The following NRDE2 variants were observed in gnomAD, a reference collection of about 807,000 sequenced individuals.
NRDE2 encodes nuclear exosome regulator NRDE2.
Under a neutral mutation model 124.2 loss-of-function variants are expected in NRDE2, and 76 were observed. The observed-to-expected ratio is 0.61, with a 90% CI of 0.51 to 0.74. NRDE2 has a LOEUF of 0.74. Ranked by LOEUF, NRDE2 falls within the 30% of genes least tolerant of loss-of-function variation. The pLI, the probability that NRDE2 is intolerant of heterozygous loss-of-function variation, is 0.00. For synonymous variants in NRDE2, 489 were observed against 528.1 expected, an observed-to-expected ratio of 0.93 and a Z score of 1.01; for missense variants, 1,314 against 1,417.3, an observed-to-expected ratio of 0.93 and a Z score of 1.17.
intron 1 of NRDE2, among the ~76,000 whole-genome samples, chr14:90,329,096 C>G (rs147078123): frequency 6.6e-6 from 1 of 152,184 alleles, no homozygotes; most frequent in Non-Finnish European, 1.5e-5. Context: ...CTTTTACACA[C>G]ATTTTCCTGA....
At chr14:90,324,086 A>G (rs1885333634) in intron 1 of NRDE2, among the ~76,000 whole-genome samples, 1 of 152,196 alleles carries the variant, frequency 6.6e-6, no homozygotes, top group Admixed American at 6.5e-5. Context: ...GGATCAGAGA[A>G]AGCTAACTGA....
intron 6 of NRDE2, among the ~76,000 whole-genome samples, chr14:90,302,383 T>C (rs544346382): frequency 1.8e-4 from 28 of 152,304 alleles, no homozygotes; most frequent in African/African-American, 6.5e-4. Flanking sequence ...CATTACTGCC[T>C]GGGACCCTAC....
rs901371255 is a variant in NRDE2 at position 90,272,261 on chromosome 14, T to A, written c.*6075A>T. The A allele has an allele frequency of 5.6e-6, 9 of 1,601,852 alleles. No individual in the cohort carries two copies. The Admixed American group carries it at 7.1e-5, about 13-fold the overall frequency. ...GTATGTCACTTTCTGAACACACTCT[T>A]CTTTCTTACAGGCAATCTGTACAGA... On this transcript the variant is annotated 3_prime_UTR_variant, in exon 14 of 14. Coordinates refer to ENST00000354366, the MANE Select transcript of NRDE2 (RefSeq NM_017970.4). This position sits in a 1 kb window ranked among gnomAD's most constrained non-coding sequence, Gnocchi z 4.5.
chr14:90,329,778 C>T (rs1161763761), intron 1 of NRDE2, among the ~76,000 whole-genome samples: 1 of 143,204 alleles, frequency 7.0e-6, no homozygotes, highest in Non-Finnish European at 1.5e-5. Flanking sequence ...GCGGAGGTTG[C>T]AGTGAGCTGA....
rs1891578318 is a variant in NRDE2 at position 90,268,573 on chromosome 14, T to G, written c.*9763A>C. 1.5e-6 allele frequency: 1 copy of G among 671,314 alleles called. No individual in the cohort carries two copies. Among genetic ancestry groups the G allele is most frequent in the South Asian group, 1.9e-5 (1 of 53,382 alleles). The allele number at this position is 671,314 out of a possible 1,614,324, so 41.6% of individuals were successfully genotyped here. On this transcript the variant is annotated 3_prime_UTR_variant, in exon 14 of 14. Coordinates refer to ENST00000354366, the MANE Select transcript of NRDE2 (RefSeq NM_017970.4). The stretch of plus-strand genomic sequence containing the variant: ...AGGCTCTGCTCTCCCAGGAGCCAGC[T>G]AACAACTGCCCAGTAACTGTGAACG...
rs76200558 is a variant in NRDE2 at position 90,321,755 on chromosome 14, T to A, written c.65-3642A>T. On this transcript the variant is annotated intron_variant, in intron 1 of 13. Coordinates refer to ENST00000354366, the MANE Select transcript of NRDE2 (RefSeq NM_017970.4). ...CACATGCAGGGAATACTAGAAGTAA[T>A]AATCACTGTATGGTAGGCTTGGAAA... Among the ~76,000 whole-genome samples, 1,083 of 152,226 alleles carry A rather than the reference T, an allele frequency of 7.1e-3. 20 individuals are homozygous for A. Among genetic ancestry groups the A allele is most frequent in the African/African-American group, 0.025 (1,051 of 41,540 alleles).
At chr14:90,305,820 G>A (rs530195874) in intron 4 of NRDE2, among the ~76,000 whole-genome samples, 2 of 152,276 alleles carry the variant, frequency 1.3e-5, no homozygotes, top group African/African-American at 2.4e-5. Context: ...AACTTCTGGC[G>A]GTCAGAGTAA....
rs1283317643 is a variant in NRDE2 at position 90,271,915 on chromosome 14, G to A, written c.*6421C>T. 6.8e-6 allele frequency: 1 copy of A among 147,230 alleles called. No homozygotes were observed. Among genetic ancestry groups the A allele is most frequent in the Non-Finnish European group, 1.5e-5 (1 of 67,316 alleles). 9.1% of individuals were successfully genotyped at this position (147,230 alleles called of 1,614,324 possible). Reference sequence around the variant, plus strand: ...AGATTTTTTTTTTTTTTTTTTTGAGGTAGAGTTTCGCTCGTTGCTCAGGCT... The same window carrying A: ...AGATTTTTTTTTTTTTTTTTTTGAGATAGAGTTTCGCTCGTTGCTCAGGCT... On this transcript the variant is annotated 3_prime_UTR_variant, in exon 14 of 14. Transcript: ENST00000354366.
At chr14:90,311,922 A>G (rs1249133107) in intron 4 of NRDE2, among the ~76,000 whole-genome samples, 1 of 152,248 alleles carries the variant, frequency 6.6e-6, no homozygotes, top group Non-Finnish European at 1.5e-5. Context: ...ACTAAAGCAA[A>G]TATCATCTAT....
At chr14:90,319,035 T>C (rs2139709165) in intron 1 of NRDE2, among the ~76,000 whole-genome samples, 1 of 152,348 alleles carries the variant, frequency 6.6e-6, no homozygotes, top group Admixed American at 6.5e-5. Flanking sequence ...CTCTAGGTGA[T>C]TACATTAAAT....
chr14:90,285,499 G>A (rs182571259), intron 12 of NRDE2, among the ~76,000 whole-genome samples: 1 of 151,790 alleles, frequency 6.6e-6, no homozygotes, highest in Non-Finnish European at 1.5e-5. Context: ...ACGGGGTTTC[G>A]CCATGATGGC....
rs192867333 is a variant in NRDE2 at position 90,275,441 on chromosome 14, T to C, written c.*2895A>G. ...AACAAAAAACCCCAGCACATCAGTA[T>C]TGCCTTTTCCTCATTGGTAATAGCT... On this transcript the variant is annotated 3_prime_UTR_variant, in exon 14 of 14. Coordinates refer to ENST00000354366, the MANE Select transcript of NRDE2 (RefSeq NM_017970.4). 1 of 152,328 alleles carries C rather than the reference T, an allele frequency of 6.6e-6. No individual in the cohort carries two copies. The highest frequency in any genetic ancestry group is 6.5e-5 in the Admixed American group (1 of 15,306). 9.4% of individuals were successfully genotyped at this position (152,328 alleles called of 1,614,324 possible).
intron 13 of NRDE2, 121 bp from the exon 14 acceptor site, chr14:90,278,582 T>G: frequency 8.1e-7 from 1 of 1,240,180 alleles, no homozygotes; most frequent in Non-Finnish European, 1.1e-6. Flanking sequence ...CCACGGCCCC[T>G]GCTCCCCTTG....
rs991527922 is a variant in NRDE2, at chr14:90,276,705, T to TCTCAAGGGA, written c.*1622_*1630dup. The TCTCAAGGGA allele has an allele frequency of 2.0e-5, 3 of 152,174 alleles. No individual in the cohort carries two copies. Among genetic ancestry groups the TCTCAAGGGA allele is most frequent in the Non-Finnish European group, 4.4e-5 (3 of 68,070 alleles). 9.4% of individuals were successfully genotyped at this position (152,174 alleles called of 1,614,324 possible). ...CCCACTGCTAAGAGCCATTCCTGGCTCTCAAGGGACAGGTTGCCACTGGGG... is the reference window on the plus strand; with the variant it reads ...CCCACTGCTAAGAGCCATTCCTGGCTCTCAAGGGACTCAAGGGACAGGTTGCCACTGGGG... On this transcript the variant is annotated 3_prime_UTR_variant, in exon 14 of 14. Transcript: ENST00000354366.
rs746153150 is a variant in NRDE2, at chr14:90,270,248, A to C, written c.*8088T>G. The C allele has an allele frequency of 3.7e-6, 6 of 1,613,766 alleles. No homozygotes were observed. The highest frequency in any genetic ancestry group is 4.2e-6 in the Non-Finnish European group (5 of 1,179,858). ...CCCCCTGCCTGATGAAAAGACGAAGAAGCGCATCTTTCAGATTCACACAAG... is the reference window on the plus strand; with the variant it reads ...CCCCCTGCCTGATGAAAAGACGAAGCAGCGCATCTTTCAGATTCACACAAG... On this transcript the variant is annotated 3_prime_UTR_variant, in exon 14 of 14. Coordinates refer to ENST00000354366, the MANE Select transcript of NRDE2 (RefSeq NM_017970.4).
rs765987807 is a variant in NRDE2, at chr14:90,269,582, AT to A, written c.*8753del. 6.2e-7 allele frequency: 1 copy of A among 1,605,354 alleles called. No homozygotes were observed. Among genetic ancestry groups the A allele is most frequent in the Non-Finnish European group, 8.5e-7 (1 of 1,173,932 alleles). On this transcript the variant is annotated 3_prime_UTR_variant, in exon 14 of 14. Coordinates refer to ENST00000354366, the MANE Select transcript of NRDE2 (RefSeq NM_017970.4). ...TGCTTTGGTTTCATCATGGAGATTAATGTGTTTATATATTTGTGTTTAAGTG... is the reference window on the plus strand; with the variant it reads ...TGCTTTGGTTTCATCATGGAGATTAAGTGTTTATATATTTGTGTTTAAGTG...
At chr14:90,300,657 T>C (rs1358446959) in intron 7 of NRDE2, among the ~76,000 whole-genome samples, 2 of 150,714 alleles carry the variant, frequency 1.3e-5, no homozygotes, top group Non-Finnish European at 1.5e-5. Flanking sequence ...TAAGGATCAC[T>C]GTTGACAAGG....
Position 90,288,400 on chromosome 14 carries a change from T to A in NRDE2, c.2975A>T (p.Lys992Met), listed in dbSNP as rs139914753. The A allele has an allele frequency of 2.7e-5, 43 of 1,614,048 alleles. No homozygotes were observed. Among genetic ancestry groups the A allele is most frequent in the Non-Finnish European group, 3.4e-5 (40 of 1,180,040 alleles). ...PLREALSQAL[K>M]LYPGNQVLWR... ...AAGAACCTGGTTGCCTGGATACAACTTTAAAGCCTGTGAGAGTGCCTCTCG... is the reference window on the plus strand; with the variant it reads ...AAGAACCTGGTTGCCTGGATACAACATTAAAGCCTGTGAGAGTGCCTCTCG... The change falls in exon 11 of 14, where the codon AAG becomes ATG. Residue 992 changes from lysine (K) to methionine (M), a missense_variant. Coordinates refer to ENST00000354366, the MANE Select transcript of NRDE2 (RefSeq NM_017970.4).
intron 4 of NRDE2, among the ~76,000 whole-genome samples, chr14:90,311,738 T>C (rs1044430963): frequency 7.9e-5 from 12 of 151,738 alleles, no homozygotes; most frequent in African/African-American, 2.9e-4. Context: ...GGGCCACACA[T>C]AAAATACACT....
Sources: allele counts gnomAD v4.1 joint callset (sites outside exome capture counted in the v4.1 genomes callset), GRCh38; gene constraint gnomAD v4.1.1; non-coding constraint Gnocchi (gnomAD v3.1); transcripts MANE v1.5; gene names NCBI Gene and HGNC (gene_info 2026-07-23, HGNC 2026-07-21).